Variants in XRCC4 observed in about 807,000 individuals in gnomAD.
XRCC4 encodes X-ray repair cross complementing 4.
A neutral mutation model predicts 39.1 loss-of-function variants in XRCC4; 28 were observed. That is an observed-to-expected ratio of 0.72 (90% CI 0.53 to 0.98). XRCC4 has a LOEUF of 0.98. XRCC4 is among the 50% of genes least tolerant of loss of function. XRCC4 has a pLI of 0.00. For synonymous variants in XRCC4, 123 were observed against 126.4 expected, an observed-to-expected ratio of 0.97 and a Z score of 0.18; for missense variants, 350 against 376.4, an observed-to-expected ratio of 0.93 and a Z score of 0.58.
chr5:83,084,337 ATGAAAG>A (rs1299229337), intron 1 of XRCC4, among the ~76,000 whole-genome samples: 10 of 152,334 alleles, frequency 6.6e-5, no homozygotes, highest in Admixed American at 3.9e-4. Flanking sequence ...GCCAGCCCTG[ATGAAAG>A]TGAGTTGTGC....
At chr5:83,320,473 A>C (rs1172810584) in intron 7 of XRCC4, among the ~76,000 whole-genome samples, 1 of 152,044 alleles carries the variant, frequency 6.6e-6, no homozygotes, top group Admixed American at 6.6e-5. Context: ...TATAATATCC[A>C]TAAACTTAGT....
intron 7 of XRCC4, among the ~76,000 whole-genome samples, chr5:83,308,681 A>T (rs2112080369): frequency 6.6e-6 from 1 of 152,252 alleles, no homozygotes; most frequent in South Asian, 2.1e-4. Flanking sequence ...TTAAATATAT[A>T]TTTCCCAAAA....
intron 7 of XRCC4, among the ~76,000 whole-genome samples, chr5:83,322,537 A>G (rs978604645): frequency 1.3e-5 from 2 of 152,208 alleles, no homozygotes; most frequent in Non-Finnish European, 2.9e-5. Flanking sequence ...TTTGTGGAAC[A>G]TGCGAATGTT....
At chr5:83,230,571 A>T (rs1265677840) in intron 6 of XRCC4, among the ~76,000 whole-genome samples, 2 of 152,012 alleles carry the variant, frequency 1.3e-5, no homozygotes, top group African/African-American at 4.8e-5. Flanking sequence ...TTTACAACTT[A>T]AACAAAAATA....
intron 3 of XRCC4, among the ~76,000 whole-genome samples, chr5:83,171,422 C>T (rs1749717291): frequency 6.6e-6 from 1 of 151,830 alleles, no homozygotes; most frequent in Non-Finnish European, 1.5e-5. Flanking sequence ...TGTGTTTGGG[C>T]CTTACATGTA....
At chr5:83,214,265 CT>C (rs1443448945) in intron 6 of XRCC4, among the ~76,000 whole-genome samples, 7 of 151,988 alleles carry the variant, frequency 4.6e-5, no homozygotes, top group African/African-American at 1.7e-4. Context: ...GTAAAACTTC[CT>C]TTTTGCAGAT....
intron 6 of XRCC4, among the ~76,000 whole-genome samples, chr5:83,231,309 G>T: frequency 6.6e-6 from 1 of 151,970 alleles, no homozygotes; most frequent in East Asian, 1.9e-4. Flanking sequence ...AGAACTTTTA[G>T]ATTCCATTTT....
the XRCC4 span, among the ~76,000 whole-genome samples, chr5:83,361,632 T>TC: frequency 1.3e-5 from 2 of 151,940 alleles, no homozygotes; most frequent in East Asian, 3.9e-4. Flanking sequence ...TCTTTTTTTT[T>TC]TTTTCTTGGA....
intron 6 of XRCC4, among the ~76,000 whole-genome samples, chr5:83,224,238 T>C (rs1237604399): frequency 1.3e-5 from 2 of 152,084 alleles, no homozygotes; most frequent in Non-Finnish European, 2.9e-5. Context: ...TAGCTTTCTA[T>C]AGTAGAGTGC....
At chr5:83,293,492 C>A (rs1032757133) in intron 7 of XRCC4, among the ~76,000 whole-genome samples, 1 of 151,202 alleles carries the variant, frequency 6.6e-6, no homozygotes, top group East Asian at 1.9e-4. Flanking sequence ...AATTCTTATT[C>A]CTTCACATCT....
At position 83,334,276 on chromosome 5, in the gene XRCC4, C is replaced by A. The variant is rs28360320; in HGVS notation, c.894-18855C>A. On this transcript the variant is annotated intron_variant, in intron 7 of 7. Coordinates refer to ENST00000396027, the MANE Select transcript of XRCC4 (RefSeq NM_003401.5). ...ACTCTCTTGGTTGTAAGAACTACTT[C>A]TTACTCTAACATTCCTAGGAATAAA... Among the ~76,000 whole-genome samples the A allele has an allele frequency of 3.4e-3, 510 of 152,222 alleles. 15 individuals carry two copies. The East Asian group carries it at 0.076, about 23-fold the overall frequency.
intron 3 of XRCC4, among the ~76,000 whole-genome samples, chr5:83,129,459 G>A (rs1211556586): frequency 2.0e-5 from 3 of 151,988 alleles, no homozygotes; most frequent in African/African-American, 7.2e-5. Flanking sequence ...GGCAATGCGG[G>A]CCCTTTTTTG....
At chr5:83,195,650 G>T in intron 3 of XRCC4, 120 bp from the exon 4 acceptor site, 1 of 935,716 alleles carries the variant, frequency 1.1e-6, no homozygotes, top group Non-Finnish European at 1.5e-6. Flanking sequence ...TCTTGTAAAT[G>T]CATTGTATTT....
chr5:83,371,767 G>A, the XRCC4 span, among the ~76,000 whole-genome samples: 506 of 152,298 alleles, frequency 3.3e-3, 6 homozygotes, highest in Middle Eastern at 3.4e-3. Flanking sequence ...GAGAAGGGCT[G>A]ACTGCAGGAA....
chr5:83,091,589 T>G (rs1015466611), intron 1 of XRCC4, among the ~76,000 whole-genome samples: 1 of 152,210 alleles, frequency 6.6e-6, no homozygotes, highest in Non-Finnish European at 1.5e-5. Context: ...TAATTTAGAT[T>G]ATACATATAA....
chr5:83,227,958 G>T (rs1752352229), intron 6 of XRCC4, among the ~76,000 whole-genome samples: 1 of 151,970 alleles, frequency 6.6e-6, no homozygotes, highest in South Asian at 2.1e-4. Flanking sequence ...GACAAATGAA[G>T]GTGTCCTCTC....
chr5:83,162,864 G>C (rs1749280479), intron 3 of XRCC4, among the ~76,000 whole-genome samples: 1 of 151,590 alleles, frequency 6.6e-6, no homozygotes, highest in South Asian at 2.1e-4. Context: ...TGCTATTTTG[G>C]AGTCTCTCAG....
chr5:83,122,289 C>T (rs1747047876), intron 3 of XRCC4, among the ~76,000 whole-genome samples: 2 of 152,110 alleles, frequency 1.3e-5, no homozygotes, highest in African/African-American at 4.8e-5. Context: ...CCTTCTGACT[C>T]ATAAATATAA....
At chr5:83,128,924 T>C (rs538366181) in intron 3 of XRCC4, among the ~76,000 whole-genome samples, 1 of 152,276 alleles carries the variant, frequency 6.6e-6, no homozygotes, top group African/African-American at 2.4e-5. Context: ...ATTCTGTAGG[T>C]TGCCTGCTCA....
Sources: allele counts gnomAD v4.1 joint callset (sites outside exome capture counted in the v4.1 genomes callset), GRCh38; gene constraint gnomAD v4.1.1; transcripts MANE v1.5; gene names NCBI Gene and HGNC (gene_info 2026-07-23, HGNC 2026-07-21).